The following ACSL3 variants were observed in gnomAD, a reference collection of about 807,000 sequenced individuals.
ACSL3 encodes the protein fatty acid CoA ligase Acsl3.
ACSL3 carries 34 observed loss-of-function variants against 84.7 expected under a neutral mutation model. The observed-to-expected ratio is 0.40, with a 90% CI of 0.31 to 0.53. ACSL3 has a LOEUF of 0.53. Ranked by LOEUF, ACSL3 falls within the 20% of genes least tolerant of loss-of-function variation. The probability of loss-of-function intolerance (pLI) is 0.48; values close to 1 mark genes in which losing one functional copy is unlikely to be tolerated. For synonymous variants in ACSL3, 315 were observed against 299.4 expected, an observed-to-expected ratio of 1.05 and a Z score of -0.54; for missense variants, 680 against 873.1, an observed-to-expected ratio of 0.78 and a Z score of 2.79.
At chr2:222,922,157 A>C (rs985909787) in intron 8 of ACSL3, among the ~76,000 whole-genome samples, 2 of 152,180 alleles carry the variant, frequency 1.3e-5, no homozygotes, top group African/African-American at 4.8e-5. Context: ...GCAGCTCTTG[A>C]AGTATATACA....
chr2:222,928,652 T>TA (rs5838971), intron 12 of ACSL3, among the ~76,000 whole-genome samples: 14,681 of 134,914 alleles, frequency 0.11, 1,217 homozygotes, highest in African/African-American at 0.24. Context: ...ATAACTAATT[T>TA]AAAAAAAAAA....
intron 2 of ACSL3, among the ~76,000 whole-genome samples, chr2:222,890,893 T>A (rs1392022907): frequency 6.6e-6 from 1 of 152,174 alleles, no homozygotes; most frequent in African/African-American, 2.4e-5. Context: ...TCTGCCCACT[T>A]CAGCCTCCCA....
At position 222,942,664 on chromosome 2, in the gene ACSL3, A is replaced by G. The variant is rs1697344875; in HGVS notation, c.*1010A>G. 1 of 207,388 alleles carries G rather than the reference A, an allele frequency of 4.8e-6. No individual in the cohort carries two copies. Among genetic ancestry groups the G allele is most frequent in the Non-Finnish European group, 9.8e-6 (1 of 101,966 alleles). The allele number at this position is 207,388 out of a possible 1,614,324, so 12.8% of individuals were successfully genotyped here. The stretch of plus-strand genomic sequence containing the variant: ...TCATTTTAAAATTAGTGTTTTTCCT[A>G]GTTTGCACTGATGCGTGTATGGATG... On this transcript the variant is annotated 3_prime_UTR_variant, in exon 17 of 17. Transcript: ENST00000357430.
intron 16 of ACSL3, 49 bp from the exon 17 acceptor site, chr2:222,941,448 T>C: frequency 2.0e-6 from 3 of 1,512,452 alleles, no homozygotes; most frequent in Non-Finnish European, 2.7e-6. Flanking sequence ...CACCATTTGC[T>C]AAGAACTTAA....
At chr2:222,864,275 AGGTACT>A (rs1301509142) in intron 1 of ACSL3, among the ~76,000 whole-genome samples, 1 of 152,082 alleles carries the variant, frequency 6.6e-6, no homozygotes, top group Non-Finnish European at 1.5e-5. Context: ...GCCTTTATTG[AGGTACT>A]GGTTTTGTGC....
intron 1 of ACSL3, among the ~76,000 whole-genome samples, chr2:222,866,825 C>G (rs1370080171): frequency 8.7e-6 from 1 of 114,860 alleles, no homozygotes. Flanking sequence ...CTAGAATTTT[C>G]TTTTTTTTCT....
At chr2:222,936,081 T>C (rs1697164475) in intron 16 of ACSL3, among the ~76,000 whole-genome samples, 2 of 152,202 alleles carry the variant, frequency 1.3e-5, no homozygotes. Context: ...TACCATGTGA[T>C]AGGATTTTTC....
chr2:222,891,492 G>C (rs1166797057), intron 2 of ACSL3, among the ~76,000 whole-genome samples: 11 of 152,046 alleles, frequency 7.2e-5, no homozygotes, highest in Non-Finnish European at 1.5e-4. Flanking sequence ...ATATTCCTTT[G>C]CCTGATTTCT....
intron 6 of ACSL3, 41 bp downstream of exon 6, chr2:222,918,196 A>G (rs1164116870): frequency 1.5e-6 from 2 of 1,370,666 alleles, no homozygotes; most frequent in Non-Finnish European, 2.1e-6. Flanking sequence ...GATACTTTAG[A>G]ATTTTCAGTG....
chr2:222,900,877 G>GC (rs1350916520), intron 3 of ACSL3, 97 bp downstream of exon 3: 1 of 152,196 alleles, frequency 6.6e-6, no homozygotes, highest in Non-Finnish European at 1.5e-5. Flanking sequence ...TTCTAAACCT[G>GC]CATTTGTGTA....
chr2:222,933,083 A>G (rs190485400), intron 14 of ACSL3, 83 bp from the exon 15 acceptor site: 2 of 635,850 alleles, frequency 3.1e-6, no homozygotes, highest in Admixed American at 5.9e-5. Flanking sequence ...TACTTAGAGA[A>G]TGGCCAGTAT....
chr2:222,862,180 CTGTT>C (rs954141409), intron 1 of ACSL3, among the ~76,000 whole-genome samples: 6 of 152,212 alleles, frequency 3.9e-5, no homozygotes, highest in African/African-American at 1.4e-4. Context: ...ATGCCACGCA[CTGTT>C]TGGAGAGCTT....
intron 11 of ACSL3, among the ~76,000 whole-genome samples, chr2:222,925,768 T>C (rs1002514528): frequency 1.6e-4 from 25 of 152,238 alleles, no homozygotes; most frequent in African/African-American, 5.8e-4. Flanking sequence ...TCTTTTGCTT[T>C]TATATTTATT....
In ACSL3 at chr2:222,900,515, A is replaced by G. The variant is rs148888692; in HGVS notation, c.-147-159A>G. The stretch of plus-strand genomic sequence containing the variant: ...TGACTCACAGGAATCTTAAACCCGT[A>G]TTTTCAAGACTGTATTTATTTTCTT... On this transcript the variant is annotated intron_variant, in intron 2 of 16. Coordinates refer to ENST00000357430, the MANE Select transcript of ACSL3 (RefSeq NM_004457.5). Among the ~76,000 whole-genome samples, 16 of 151,870 alleles carry G rather than the reference A, an allele frequency of 1.1e-4. No individual in the cohort carries two copies. In the South Asian group the frequency reaches 1.2e-3, roughly 12 times the overall value.
intron 12 of ACSL3, among the ~76,000 whole-genome samples, chr2:222,927,689 A>G (rs1363809100): frequency 6.6e-6 from 1 of 152,200 alleles, no homozygotes; most frequent in Non-Finnish European, 1.5e-5. Context: ...GAGATCTACC[A>G]ACTAATCAGC....
chr2:222,880,910 C>G (rs1695576970), intron 1 of ACSL3, among the ~76,000 whole-genome samples: 1 of 151,594 alleles, frequency 6.6e-6, no homozygotes, highest in African/African-American at 2.4e-5. Flanking sequence ...AATTCTCCCT[C>G]TGGTTGGATA....
At chr2:222,933,648 TGC>T in intron 15 of ACSL3, 1 of 164,316 alleles carries the variant, frequency 6.1e-6, no homozygotes, top group Non-Finnish European at 1.3e-5. Context: ...AGGAGTGTGC[TGC>T]TTACTTACTC....
At position 222,943,219 on chromosome 2, in the gene ACSL3, A is replaced by G. The variant is rs893624343; in HGVS notation, c.*1565A>G. ...AAACATCGTATGTGGAGACATTGCA[A>G]TACAGTGTTTTTTGTTTTCAACTTT... On this transcript the variant is annotated 3_prime_UTR_variant, in exon 17 of 17. Coordinates refer to ENST00000357430, the MANE Select transcript of ACSL3 (RefSeq NM_004457.5). 6 of 218,156 alleles carry G rather than the reference A, an allele frequency of 2.8e-5. No individual in the cohort carries two copies. The highest frequency in any genetic ancestry group is 1.2e-4 in the African/African-American group (5 of 43,148). The allele number at this position is 218,156 out of a possible 1,614,324, so 13.5% of individuals were successfully genotyped here.
At chr2:222,874,536 T>TA (rs1375534899) in intron 1 of ACSL3, among the ~76,000 whole-genome samples, 2 of 151,240 alleles carry the variant, frequency 1.3e-5, no homozygotes, top group Non-Finnish European at 3.0e-5. Context: ...ATAAAAATAA[T>TA]AAAAAATACT....
Sources: gnomAD v4.1 joint callset for allele counts (sites outside exome capture counted in the v4.1 genomes callset) on GRCh38, gnomAD v4.1.1 for gene constraint, MANE v1.5 for transcripts, NCBI Gene and HGNC (gene_info 2026-07-23, HGNC 2026-07-21) for gene names.